The following ZC2HC1B variants were observed in gnomAD, a reference collection of about 807,000 sequenced individuals.
ZC2HC1B encodes the protein zinc finger C2HC domain-containing protein 1B.
In ZC2HC1B, 36 loss-of-function variants were observed where a neutral mutation model predicts 31.0. The observed-to-expected ratio is 1.16, with a 90% confidence interval of 0.89 to 1.54. The LOEUF (loss-of-function observed/expected upper bound fraction) is 1.54, where lower values mean the gene tolerates loss of function less well. ZC2HC1B is among the 40% of genes most tolerant of loss of function. The pLI is 0.00. For synonymous variants in ZC2HC1B, 73 were observed against 88.0 expected (o/e 0.83, Z 0.95); for missense variants, 260 against 268.6 (o/e 0.97, Z 0.22).
chr6:143,898,708 AGG>A lies in ZC2HC1B; in HGVS notation c.489+18_489+19del, dbSNP rs1777701525. ...AGAGCTCAGGTAACTATCTCTCCCC[AGG>A]TGTTGGCTCTTGTGCCCTTGAATGC... On this transcript the variant is annotated intron_variant, in intron 5 of 7. Transcript: ENST00000237275. 6.4e-7 allele frequency: 1 copy of A among 1,551,740 alleles called. No individual in the cohort carries two copies. Among genetic ancestry groups the A allele is most frequent in the South Asian group, 1.2e-5 (1 of 84,062 alleles).
Position 143,931,860 on chromosome 6 carries a change from TC to T in ZC2HC1B, c.599-5788del, listed in dbSNP as rs1394472460. 3.9e-5 allele frequency among the ~76,000 whole-genome samples: 3 copies of T among 77,226 alleles called. No homozygotes were observed. In the South Asian group the frequency reaches 1.9e-3, roughly 50 times the overall value. 50.7% of individuals were successfully genotyped at this position (77,226 alleles called of 152,430 possible). Reference sequence around the variant, plus strand: ...AGGTGTTCTTTGAACTTCTTCTTCTTCTTCTTTTTTTTTTTTTTTTTTAACG... The same window carrying T: ...AGGTGTTCTTTGAACTTCTTCTTCTTTTCTTTTTTTTTTTTTTTTTTAACG... On this transcript the variant is annotated intron_variant, in intron 6 of 7. Coordinates refer to ENST00000237275, the MANE Select transcript of ZC2HC1B (RefSeq NM_001013623.3).
At chr6:143,937,368 T>C (rs908772270) in intron 6 of ZC2HC1B, among the ~76,000 whole-genome samples, 1 of 152,106 alleles carries the variant, frequency 6.6e-6, no homozygotes, top group Non-Finnish European at 1.5e-5. Context: ...TCCTAGTGTA[T>C]AAAGGGTGGG....
intron 6 of ZC2HC1B, among the ~76,000 whole-genome samples, chr6:143,928,725 G>A (rs2128497616): frequency 6.6e-6 from 1 of 150,644 alleles, no homozygotes; most frequent in Non-Finnish European, 1.5e-5. Flanking sequence ...AGAATGGAAT[G>A]TTTTCCCATT....
intron 1 of ZC2HC1B, among the ~76,000 whole-genome samples, chr6:143,875,127 C>A (rs1262256185): frequency 6.6e-6 from 1 of 152,192 alleles, no homozygotes; most frequent in East Asian, 1.9e-4. Context: ...GCCACCACTG[C>A]ACCTGGCCTA....
chr6:143,905,916 G>A lies in ZC2HC1B; in HGVS notation c.598+2764G>A, dbSNP rs1315616020. 6.6e-6 allele frequency among the ~76,000 whole-genome samples: 1 copy of A among 152,128 alleles called. No homozygotes were observed. The highest frequency in any genetic ancestry group is 1.5e-5 in the Non-Finnish European group (1 of 68,042). ...CAGGAACAAATCTCACATGGTCATG[G>A]TGTATAATCCTTTTAACATGCTACT... On this transcript the variant is annotated intron_variant, in intron 6 of 7. Transcript: ENST00000237275. This position sits in a 1 kb window ranked among gnomAD's most constrained non-coding sequence, Gnocchi z 4.2.
intron 1 of ZC2HC1B, among the ~76,000 whole-genome samples, chr6:143,877,576 C>T (rs4896681): frequency 0.028 from 4,252 of 150,230 alleles, 254 homozygotes; most frequent in Admixed American, 0.074. Context: ...AGCCACTGTG[C>T]CCAGCAAGAC....
chr6:143,923,480 T>C lies in ZC2HC1B; in HGVS notation c.599-14169T>C, dbSNP rs1778003525. Among the ~76,000 whole-genome samples the C allele has an allele frequency of 6.6e-6, 1 of 152,156 alleles. No individual in the cohort carries two copies. Among genetic ancestry groups the C allele is most frequent in the Admixed American group, 6.5e-5 (1 of 15,272 alleles). On this transcript the variant is annotated intron_variant, in intron 6 of 7. Coordinates refer to ENST00000237275, the MANE Select transcript of ZC2HC1B (RefSeq NM_001013623.3). The surrounding 1 kb of genome is among the most constrained non-coding windows in gnomAD (Gnocchi z 4.8). ...TATATAGTCCCATTTGTTTATTTTATTTTTGTTGCCTGTGCTTTTGAAGTC... is the reference window on the plus strand; with the variant it reads ...TATATAGTCCCATTTGTTTATTTTACTTTTGTTGCCTGTGCTTTTGAAGTC...
At position 143,921,923 on chromosome 6, in the gene ZC2HC1B, T is replaced by G. The variant is rs1777989274; in HGVS notation, c.599-15726T>G. 1.3e-5 allele frequency among the ~76,000 whole-genome samples: 2 copies of G among 152,190 alleles called. No homozygotes were observed. Among genetic ancestry groups the G allele is most frequent in the African/African-American group, 4.8e-5 (2 of 41,440 alleles). ...CTGCACACCAGTCTGGGTGACAAAGTAAGTCCTTTTCTCTTAAAAAAAATA... is the reference window on the plus strand; with the variant it reads ...CTGCACACCAGTCTGGGTGACAAAGGAAGTCCTTTTCTCTTAAAAAAAATA... On this transcript the variant is annotated intron_variant, in intron 6 of 7. Coordinates refer to ENST00000237275, the MANE Select transcript of ZC2HC1B (RefSeq NM_001013623.3). This position sits in a 1 kb window ranked among gnomAD's most constrained non-coding sequence, Gnocchi z 6.1.
rs1321661472 is a variant in ZC2HC1B at position 143,925,558 on chromosome 6, C to T, written c.599-12091C>T. ...TTTCTTTTTTTTTTTTTTTTTGAGA[C>T]GGAGTTTCGCTCTTGTTGCCCAGGC... On this transcript the variant is annotated intron_variant, in intron 6 of 7. Transcript: ENST00000237275. Among the ~76,000 whole-genome samples, 7 of 126,950 alleles carry T rather than the reference C, an allele frequency of 5.5e-5. No homozygotes were observed. In the East Asian group the frequency reaches 9.4e-4, roughly 17 times the overall value. 83.3% of individuals were successfully genotyped at this position (126,950 alleles called of 152,430 possible).
Position 143,871,219 on chromosome 6 carries a change from A to T in ZC2HC1B, c.28+6652A>T, listed in dbSNP as rs1026583056. Reference sequence around the variant, plus strand: ...CACCAATAAGTCCAGTGTGTTTACTACTTCTTGCTCACTGGATCCAGTCAG... The same window carrying T: ...CACCAATAAGTCCAGTGTGTTTACTTCTTCTTGCTCACTGGATCCAGTCAG... On this transcript the variant is annotated intron_variant, in intron 1 of 7. Transcript: ENST00000237275. The surrounding 1 kb of genome is among the most constrained non-coding windows in gnomAD (Gnocchi z 4.1). Among the ~76,000 whole-genome samples, 33 of 152,096 alleles carry T rather than the reference A, an allele frequency of 2.2e-4. No individual in the cohort carries two copies. The highest frequency in any genetic ancestry group is 8.0e-4 in the African/African-American group (33 of 41,412).
intron 1 of ZC2HC1B, among the ~76,000 whole-genome samples, chr6:143,866,531 G>A (rs1777265336): frequency 6.6e-6 from 1 of 152,174 alleles, no homozygotes; most frequent in Non-Finnish European, 1.5e-5. Context: ...CATAAGTTGA[G>A]GACTGTCTGT....
At position 143,883,353 on chromosome 6, in the gene ZC2HC1B, T is replaced by C. The variant is rs1434027857; in HGVS notation, c.29-951T>C. 6.6e-6 allele frequency among the ~76,000 whole-genome samples: 1 copy of C among 152,172 alleles called. No individual in the cohort carries two copies. Among genetic ancestry groups the C allele is most frequent in the East Asian group, 1.9e-4 (1 of 5,200 alleles). ...CACACCTGACCCACCTGCAGCTTTT[T>C]CACTAAACTCCGCTCTTCTCCCACT... On this transcript the variant is annotated intron_variant, in intron 1 of 7. Transcript: ENST00000237275. The surrounding 1 kb of genome is among the most constrained non-coding windows in gnomAD (Gnocchi z 4.1).
chr6:143,906,733 T>G (rs1429387663), intron 6 of ZC2HC1B, among the ~76,000 whole-genome samples: 1 of 143,262 alleles, frequency 7.0e-6, no homozygotes, highest in East Asian at 2.0e-4. Context: ...CATTAGCCAC[T>G]GTGCCCAGCC....
intron 6 of ZC2HC1B, among the ~76,000 whole-genome samples, chr6:143,909,678 A>G (rs1314592221): frequency 6.6e-6 from 1 of 151,566 alleles, no homozygotes; most frequent in Non-Finnish European, 1.5e-5. Flanking sequence ...TTCTTCTAGA[A>G]TTTCTAGTGT....
In ZC2HC1B at chr6:143,868,392, T is replaced by C. The variant is rs1777294651; in HGVS notation, c.28+3825T>C. The stretch of plus-strand genomic sequence containing the variant: ...CAAAACTGAAGAACTTGGAGTTCAA[T>C]GTTTGAGGGCAGGAAGCATCCAGCA... On this transcript the variant is annotated intron_variant, in intron 1 of 7. Coordinates refer to ENST00000237275, the MANE Select transcript of ZC2HC1B (RefSeq NM_001013623.3). This position sits in a 1 kb window ranked among gnomAD's most constrained non-coding sequence, Gnocchi z 4.2. 6.6e-6 allele frequency among the ~76,000 whole-genome samples: 1 copy of C among 152,152 alleles called. No individual in the cohort carries two copies. The highest frequency in any genetic ancestry group is 2.1e-4 in the South Asian group (1 of 4,824).
chr6:143,879,824 A>ATTTTTT lies in ZC2HC1B; in HGVS notation c.29-4460_29-4455dup, dbSNP rs557859315. On this transcript the variant is annotated intron_variant, in intron 1 of 7. Coordinates refer to ENST00000237275, the MANE Select transcript of ZC2HC1B (RefSeq NM_001013623.3). ...TTTTTTCCTGCTCAAGTTGTCCCTG[A>ATTTTTT]TTTTTTTTTTTTTTTTTTTTTTTTT... is the stretch of plus-strand genomic sequence containing the variant. Among the ~76,000 whole-genome samples, 152 of 53,684 alleles carry ATTTTTT rather than the reference A, an allele frequency of 2.8e-3. 10 individuals carry two copies. Among genetic ancestry groups the ATTTTTT allele is most frequent in the Middle Eastern group, 0.016 (1 of 62 alleles). 35.2% of individuals were successfully genotyped at this position (53,684 alleles called of 152,430 possible).
At chr6:143,906,976 A>G (rs949007640) in intron 6 of ZC2HC1B, among the ~76,000 whole-genome samples, 1 of 151,874 alleles carries the variant, frequency 6.6e-6, no homozygotes, top group Non-Finnish European at 1.5e-5. Flanking sequence ...GTTCTCCACT[A>G]TGTGTCCATG....
At chr6:143,910,035 G>A (rs1253472557) in intron 6 of ZC2HC1B, among the ~76,000 whole-genome samples, 1 of 152,060 alleles carries the variant, frequency 6.6e-6, no homozygotes, top group Non-Finnish European at 1.5e-5. Flanking sequence ...TTTTCGATGT[G>A]GGCATTTAGT....
chr6:143,898,891 G>GA lies in ZC2HC1B; in HGVS notation c.489+207dup, dbSNP rs1014818386. ...AGCTAAGGCACCTTTGGGTGTTGTA[G>GA]AAAAAAATATTTCTAAAGTATTTGA... On this transcript the variant is annotated intron_variant, in intron 5 of 7. Coordinates refer to ENST00000237275, the MANE Select transcript of ZC2HC1B (RefSeq NM_001013623.3). Among the ~76,000 whole-genome samples the GA allele has an allele frequency of 2.6e-4, 40 of 152,274 alleles. 1 individual carries two copies. Among genetic ancestry groups the GA allele is most frequent in the Admixed American group, 2.0e-4 (3 of 15,300 alleles).
Sources: gnomAD v4.1 joint callset for allele counts (sites outside exome capture counted in the v4.1 genomes callset) on GRCh38, gnomAD v4.1.1 for gene constraint, Gnocchi (gnomAD v3.1) non-coding constraint, MANE v1.5 for transcripts, NCBI Gene and HGNC (gene_info 2026-07-23, HGNC 2026-07-21) for gene names.